Variants in NOC3L observed in about 807,000 individuals in gnomAD.
NOC3L encodes the protein NOC3 like DNA replication regulator, also known as nucleolar complex protein 3 homolog.
Under a neutral mutation model 102.5 loss-of-function variants are expected in NOC3L, and 85 were observed. The observed-to-expected ratio is 0.83, with a 90% CI of 0.70 to 0.99. The LOEUF (loss-of-function observed/expected upper bound fraction) is 0.99, where lower values mean the gene tolerates loss of function less well. Among genes scored for constraint, NOC3L ranks in the 50% least tolerant of loss-of-function variants. The probability of loss-of-function intolerance (pLI) is 0.00; values close to 1 mark genes in which losing one functional copy is unlikely to be tolerated. For synonymous variants in NOC3L, 303 were observed against 309.4 expected (o/e 0.98, Z 0.22); for missense variants, 878 against 914.9 (o/e 0.96, Z 0.52).
At chr10:94,361,945 CA>C in intron 1 of NOC3L, 73 bp from the exon 2 acceptor site, 1 of 1,137,512 alleles carries the variant, frequency 8.8e-7, no homozygotes, top group Non-Finnish European at 1.3e-6. Context: ...GAACTGATTA[CA>C]AATTTCATTA....
chr10:94,346,374 GATCA>G, intron 11 of NOC3L, 47 bp downstream of exon 11: 1 of 1,356,016 alleles, frequency 7.4e-7, no homozygotes, highest in Non-Finnish European at 9.8e-7. Flanking sequence ...TTTAATCTAA[GATCA>G]AATAAACAGA....
At chr10:94,360,654 T>G (rs756466625) in intron 2 of NOC3L, among the ~76,000 whole-genome samples, 7 of 152,138 alleles carry the variant, frequency 4.6e-5, no homozygotes, top group Non-Finnish European at 8.8e-5. Context: ...AGGATGACTA[T>G]AGTCAACAAT....
At position 94,352,511 on chromosome 10, in the gene NOC3L, C is replaced by A. The variant is rs1589574748; in HGVS notation, c.859-108G>T. 1 of 602,124 alleles carries A rather than the reference C, an allele frequency of 1.7e-6. No homozygotes were observed. Among genetic ancestry groups the A allele is most frequent in the Non-Finnish European group, 2.8e-6 (1 of 357,672 alleles). The allele number at this position is 602,124 out of a possible 1,614,324, so 37.3% of individuals were successfully genotyped here. A position where few individuals can be genotyped will look rare whatever the true frequency, so the allele number is the denominator to read the frequency against. ...ATACACCCAGTACTATTTAAAAAAA[C>A]AAAAAACAAAAAACGCGGCAGTCGT... On this transcript the variant is annotated intron_variant, in intron 7 of 20. Transcript: ENST00000371361.
Position 94,339,815 on chromosome 10 carries a change from C to T in NOC3L, c.1886G>A (p.Arg629His), listed in dbSNP as rs140051950. The stretch of plus-strand genomic sequence containing the variant: ...AACATGAAGAGCAAGGGTACAAAGG[C>T]GTTTGATGAAGGCAAGAGCTCGCTG... The part of the protein sequence containing the change: ...SQQRALAFIK[R>H]LCTLALHVLP... Residue 629 changes from arginine (R) to histidine (H), a missense_variant, in exon 17 of 21, where the codon CGC becomes CAC. Arg to His is a conservative substitution (Grantham distance 29, BLOSUM62 0). Transcript: ENST00000371361. 19 of 1,614,132 alleles carry T rather than the reference C, an allele frequency of 1.2e-5. No individual in the cohort carries two copies. The Admixed American group carries it at 1.3e-4, about 11-fold the overall frequency.
Position 94,352,969 on chromosome 10 carries a change from A to G in NOC3L, c.785T>C (p.Leu262Pro). Residue 262 changes from leucine (L) to proline (P), a missense_variant, in exon 7 of 21, where the codon CTG (leucine) becomes CCG (proline). Leu to Pro is a moderately conservative substitution (Grantham distance 98). Coordinates refer to ENST00000371361, the MANE Select transcript of NOC3L (RefSeq NM_022451.11). ...AGTAATATCTTTAAATAACTCCATC[A>G]GAGAAACAATTACCAGCTTTCGAAC... is the stretch of plus-strand genomic sequence containing the variant. The part of the protein sequence containing the change: ...VTVRKLVIVS[L>P]MELFKDITPS... The G allele has an allele frequency of 1.9e-6, 3 of 1,613,884 alleles. No individual in the cohort carries two copies. Among genetic ancestry groups the G allele is most frequent in the Non-Finnish European group, 2.5e-6 (3 of 1,179,734 alleles).
chr10:94,351,681 A>C (rs929174399), intron 8 of NOC3L, among the ~76,000 whole-genome samples: 7 of 150,112 alleles, frequency 4.7e-5, no homozygotes, highest in African/African-American at 1.2e-4. Context: ...GGCATGGGCC[A>C]TCATGCCTAA....
At chr10:94,317,799 C>T in the NOC3L span, among the ~76,000 whole-genome samples, 1 of 152,134 alleles carries the variant, frequency 6.6e-6, no homozygotes, top group African/African-American at 2.4e-5. Flanking sequence ...AAGGTCATTT[C>T]TCTAGCATAG....
the NOC3L span, among the ~76,000 whole-genome samples, chr10:94,325,866 T>C: frequency 6.6e-6 from 1 of 152,180 alleles, no homozygotes; most frequent in African/African-American, 2.4e-5. Context: ...TGATGTAGCT[T>C]CAACAACCTC....
At chr10:94,327,106 G>A in the NOC3L span, among the ~76,000 whole-genome samples, 2 of 151,740 alleles carry the variant, frequency 1.3e-5, no homozygotes, top group Admixed American at 1.3e-4. Context: ...AGGTTGCAGT[G>A]AGCCGAGATT....
At position 94,334,093 on chromosome 10, in the gene NOC3L, G is replaced by C; in HGVS notation, c.*84C>G. ...TTAGGAAGCTTTCCTTGTATAAAAA[G>C]AAAAGATCCTAAGTTAACAACTCAT... On this transcript the variant is annotated 3_prime_UTR_variant, in exon 21 of 21. Coordinates refer to ENST00000371361, the MANE Select transcript of NOC3L (RefSeq NM_022451.11). 1 of 676,176 alleles carries C rather than the reference G, an allele frequency of 1.5e-6. No homozygotes were observed. The highest frequency in any genetic ancestry group is 2.6e-5 in the East Asian group (1 of 38,406). The allele number at this position is 676,176 out of a possible 1,614,324, so 41.9% of individuals were successfully genotyped here. A position where few individuals can be genotyped will look rare whatever the true frequency, so the allele number is the denominator to read the frequency against.
In NOC3L at chr10:94,344,890, G is replaced by A; in HGVS notation, c.1433C>T (p.Ala478Val). The A allele has an allele frequency of 6.2e-7, 1 of 1,610,072 alleles. No individual in the cohort carries two copies. Among genetic ancestry groups the A allele is most frequent in the Non-Finnish European group, 8.5e-7 (1 of 1,179,176 alleles). ...EEKLERELRE[A>V]EASESTEKKL... ...TTTCTCAGTACTCTCTGAAGCTTCT[G>A]CCTCTCGAAGCTCTCGCTCTAGTTT... Residue 478 changes from alanine to valine, a missense_variant, in exon 12 of 21, where the codon GCA (alanine) becomes GTA (valine). Coordinates refer to ENST00000371361, the MANE Select transcript of NOC3L (RefSeq NM_022451.11).
At chr10:94,329,794 A>AAAAC (rs1480479353), downstream of NOC3L, 18 of 150,008 alleles carry the variant, frequency 1.2e-4, no homozygotes, top group Non-Finnish European at 2.7e-4. Flanking sequence ...AAAAAAAAAA[A>AAAAC]AAAAAAAAAA....
chr10:94,321,399 C>T, the NOC3L span, among the ~76,000 whole-genome samples: 5 of 152,262 alleles, frequency 3.3e-5, no homozygotes, highest in Admixed American at 6.5e-5. Flanking sequence ...TTTGGGAGGC[C>T]GATGCAGGTG....
Position 94,357,341 on chromosome 10 carries a change from A to G in NOC3L, c.351-10T>C, listed in dbSNP as rs757844785. ...CGCATGAACAGGCTCACTGCAGGGG[A>G]AAAAAAGATCAATTTTCAGTCTTAA... On this transcript the variant is annotated splice_polypyrimidine_tract_variant and intron_variant, in intron 3 of 20. Transcript: ENST00000371361. 1.3e-6 allele frequency: 2 copies of G among 1,550,570 alleles called. No homozygotes were observed. The highest frequency in any genetic ancestry group is 1.7e-6 in the Non-Finnish European group (2 of 1,151,528).
chr10:94,351,036 AT>A (rs540008007), intron 8 of NOC3L, among the ~76,000 whole-genome samples: 11 of 151,922 alleles, frequency 7.2e-5, no homozygotes, highest in African/African-American at 2.4e-4. Flanking sequence ...GTGTGTCTGC[AT>A]TTTTTTTAAA....
At chr10:94,329,797 A>C (rs1279767684), downstream of NOC3L, 1 of 150,376 alleles carries the variant, frequency 6.6e-6, no homozygotes, top group Non-Finnish European at 1.5e-5. Context: ...AAAAAAAAAA[A>C]AAAAAAAAAA....
chr10:94,337,947 T>C lies in NOC3L; in HGVS notation c.2092-73A>G, dbSNP rs2054242019. ...CAAAAAACACTAGCCACAGCAAAGA[T>C]TTTCTTAAATAAAATTACACCAAAT... is the stretch of plus-strand genomic sequence containing the variant. On this transcript the variant is annotated intron_variant, in intron 18 of 20. Transcript: ENST00000371361. 1.3e-5 allele frequency: 15 copies of C among 1,139,246 alleles called. No individual in the cohort carries two copies. The South Asian group carries it at 1.6e-4, about 12-fold the overall frequency. The allele number at this position is 1,139,246 out of a possible 1,614,324, so 70.6% of individuals were successfully genotyped here. A position where few individuals can be genotyped will look rare whatever the true frequency, so the allele number is the denominator to read the frequency against.
chr10:94,361,318 C>T (rs942163849), intron 2 of NOC3L: 7 of 247,058 alleles, frequency 2.8e-5, no homozygotes, highest in Non-Finnish European at 1.6e-5. Flanking sequence ...AATGTTCTTA[C>T]CTTACCTAAC....
rs115931181 is a variant in NOC3L, at chr10:94,344,276, G to A, written c.1571+139C>T. ...TCAAAAAAGCCCACTGTTATGAATA[G>A]CTTCAAGTAAAGGCTGGTGACAATC... On this transcript the variant is annotated intron_variant, in intron 13 of 20. Transcript: ENST00000371361. 1.5e-3 allele frequency: 807 copies of A among 527,902 alleles called. 4 individuals carry two copies. Among genetic ancestry groups the A allele is most frequent in the African/African-American group, 0.013 (685 of 52,044 alleles). 32.7% of individuals were successfully genotyped at this position (527,902 alleles called of 1,614,324 possible).
Sources: gnomAD v4.1 joint callset for allele counts (sites outside exome capture counted in the v4.1 genomes callset) on GRCh38, gnomAD v4.1.1 for gene constraint, MANE v1.5 for transcripts, NCBI Gene and HGNC (gene_info 2026-07-23, HGNC 2026-07-21) for gene names.